FUT8: variants seen among roughly 807,000 people sequenced by gnomAD.
The protein encoded by FUT8 is alpha-(1,6)-fucosyltransferase.
In FUT8, 29 loss-of-function variants were observed where a neutral mutation model predicts 71.3. The observed-to-expected ratio is 0.41, with a 90% CI of 0.30 to 0.55. The LOEUF (loss-of-function observed/expected upper bound fraction) is 0.55, where lower values mean the gene tolerates loss of function less well. FUT8 is among the 20% of genes least tolerant of loss of function. FUT8 has a pLI of 0.34. For missense variants in FUT8, 544 were observed against 702.1 expected (o/e 0.77, Z 2.55); for synonymous variants, 254 against 239.3 (o/e 1.06, Z -0.57).
At chr14:65,646,042 G>A (rs1891110547) in intron 6 of FUT8, 1 of 152,190 alleles carries the variant, frequency 6.6e-6, no homozygotes, top group East Asian at 1.9e-4. Context: ...ACCGAATCCT[G>A]AGAGACAGAT....
chr14:65,458,859 G>T (rs970811415), intron 2 of FUT8, among the ~76,000 whole-genome samples: 4 of 143,548 alleles, frequency 2.8e-5, no homozygotes, highest in Admixed American at 2.2e-4. Context: ...CTCAATTTCC[G>T]CTCACTGCAA....
At chr14:65,633,004 T>TCCCCCCCCCCCCCAC in intron 6 of FUT8, among the ~76,000 whole-genome samples, 1 of 78,022 alleles carries the variant, frequency 1.3e-5, no homozygotes, top group Non-Finnish European at 2.6e-5. Flanking sequence ...CCCTCTCCCC[T>TCCCCCCCCCCCCCAC]CCCCCCCCCC....
intron 1 of FUT8, among the ~76,000 whole-genome samples, chr14:65,416,625 C>T (rs949939565): frequency 1.3e-5 from 2 of 152,064 alleles, no homozygotes; most frequent in African/African-American, 4.8e-5. Context: ...ATTGTTTTTA[C>T]ATTGCAGCTT....
In FUT8 at chr14:65,561,533, G is replaced by T; in HGVS notation, c.-31G>T. On this transcript the variant is annotated 5_prime_UTR_variant, in exon 3 of 11. Transcript: ENST00000673929. ...ATGTTTTCAATTCTTTGAGCTCCAG[G>T]ACTCCAGGGAAGTGAGTTGAAAATC... 6.2e-7 allele frequency: 1 copy of T among 1,601,468 alleles called. No homozygotes were observed. Among genetic ancestry groups the T allele is most frequent in the Non-Finnish European group, 8.6e-7 (1 of 1,169,506 alleles).
intron 10 of FUT8, among the ~76,000 whole-genome samples, chr14:65,737,648 T>A (rs1896281791): frequency 6.6e-6 from 1 of 152,144 alleles, no homozygotes; most frequent in Admixed American, 6.5e-5. Flanking sequence ...TTTTCTGAAA[T>A]CTGACTTAAA....
chr14:65,708,281 C>T (rs928630218), intron 7 of FUT8, among the ~76,000 whole-genome samples: 1 of 152,184 alleles, frequency 6.6e-6, no homozygotes, highest in Admixed American at 6.5e-5. Context: ...GTAGAAGGTG[C>T]CTTACTTTCC....
At chr14:65,674,151 TAA>T (rs1594884808) in intron 7 of FUT8, among the ~76,000 whole-genome samples, 1 of 152,212 alleles carries the variant, frequency 6.6e-6, no homozygotes, top group African/African-American at 2.4e-5. Context: ...ATGCATATGT[TAA>T]GTCTTTTTAC....
In FUT8 at chr14:65,446,678, C is replaced by CTTTTTTTTTTTT. The variant is rs11378151; in HGVS notation, c.-325-8939_-325-8928dup. 1.5e-5 allele frequency among the ~76,000 whole-genome samples: 2 copies of CTTTTTTTTTTTT among 134,264 alleles called. 1 individual carries two copies. The highest frequency in any genetic ancestry group is 3.1e-5 in the Non-Finnish European group (2 of 63,624). The allele number at this position is 134,264 out of a possible 152,430, so 88.1% of individuals were successfully genotyped here. ...CTAAACCTGTGAAGATGTTTTAGGG[C>CTTTTTTTTTTTT]TTTTTTTTTTTTTTTAACATGTTTA... On this transcript the variant is annotated intron_variant, in intron 1 of 10. Transcript: ENST00000673929.
intron 2 of FUT8, among the ~76,000 whole-genome samples, chr14:65,477,452 A>C (rs2066263836): frequency 6.6e-6 from 1 of 152,286 alleles, no homozygotes; most frequent in East Asian, 1.9e-4. Flanking sequence ...TCATTTATTC[A>C]TTGAGCATAT....
At chr14:65,641,043 C>T (rs542886308) in intron 6 of FUT8, among the ~76,000 whole-genome samples, 1 of 152,174 alleles carries the variant, frequency 6.6e-6, no homozygotes, top group South Asian at 2.1e-4. Context: ...AAATAAACGG[C>T]ACATATTTAG....
intron 7 of FUT8, among the ~76,000 whole-genome samples, chr14:65,691,634 GGGTGTTTCTCGCAGAGGGGGATTT>G (rs1405992531): frequency 6.6e-6 from 1 of 151,774 alleles, no homozygotes; most frequent in African/African-American, 2.4e-5. Flanking sequence ...GATCATTCTT[GGGTGTTTCTCGCAGAGGGGGATTT>G]GGCAGGGTCA....
rs557121835 is a variant in FUT8 at position 65,550,009 on chromosome 14, C to T, written c.-227-11328C>T. The stretch of plus-strand genomic sequence containing the variant: ...CCAGGAGTTGGAGGTTGCAGTGAGC[C>T]GAGATCTCGCCACTGCACTCCAGCC... On this transcript the variant is annotated intron_variant, in intron 2 of 10. Coordinates refer to ENST00000673929, the MANE Select transcript of FUT8 (RefSeq NM_001371533.1). The surrounding 1 kb of genome is among the most constrained non-coding windows in gnomAD (Gnocchi z 4.5). Among the ~76,000 whole-genome samples, 8 of 152,130 alleles carry T rather than the reference C, an allele frequency of 5.3e-5. No homozygotes were observed. Among genetic ancestry groups the T allele is most frequent in the African/African-American group, 1.2e-4 (5 of 41,506 alleles).
At chr14:65,663,770 A>G (rs1401844725) in intron 6 of FUT8, among the ~76,000 whole-genome samples, 1 of 152,098 alleles carries the variant, frequency 6.6e-6, no homozygotes, top group African/African-American at 2.4e-5. Context: ...ATCATTCATT[A>G]AGCCGCTTGT....
At chr14:65,551,313 C>T (rs1406136746) in intron 2 of FUT8, among the ~76,000 whole-genome samples, 2 of 151,974 alleles carry the variant, frequency 1.3e-5, no homozygotes, top group Admixed American at 6.6e-5. Flanking sequence ...TCAGTTTGAT[C>T]GTATTATAAA....
chr14:65,437,082 G>T (rs983888996), intron 1 of FUT8, among the ~76,000 whole-genome samples: 1 of 152,118 alleles, frequency 6.6e-6, no homozygotes, highest in Admixed American at 6.5e-5. Flanking sequence ...TTCTTTATCA[G>T]CAAAACAGGA....
intron 2 of FUT8, among the ~76,000 whole-genome samples, chr14:65,527,523 C>T (rs1883574044): frequency 6.6e-6 from 1 of 152,170 alleles, no homozygotes; most frequent in Admixed American, 6.5e-5. Flanking sequence ...CCTCCTTTAG[C>T]TTGGAGAAGT....
At chr14:65,566,405 C>G (rs375594627) in intron 3 of FUT8, among the ~76,000 whole-genome samples, 1 of 151,928 alleles carries the variant, frequency 6.6e-6, no homozygotes, top group East Asian at 1.9e-4. Flanking sequence ...CCGCATTTAA[C>G]CTACCGTTCT....
At chr14:65,388,699 T>C in the FUT8 span, among the ~76,000 whole-genome samples, 3 of 151,932 alleles carry the variant, frequency 2.0e-5, no homozygotes, top group Admixed American at 2.0e-4. Flanking sequence ...GAGGCGGAGG[T>C]TGCAGGGAGC....
At chr14:65,462,655 CTTTG>C (rs1363377745) in intron 2 of FUT8, among the ~76,000 whole-genome samples, 3 of 152,176 alleles carry the variant, frequency 2.0e-5, no homozygotes, top group Admixed American at 6.5e-5. Context: ...TATTTGAATT[CTTTG>C]TTTGAATCAT....
Sources: allele counts gnomAD v4.1 joint callset (sites outside exome capture counted in the v4.1 genomes callset), GRCh38; gene constraint gnomAD v4.1.1; non-coding constraint Gnocchi (gnomAD v3.1); transcripts MANE v1.5; gene names NCBI Gene and HGNC (gene_info 2026-07-23, HGNC 2026-07-21).